Variants in PPM1L observed in about 807,000 individuals in gnomAD.
The protein encoded by PPM1L is protein phosphatase, Mg2+/Mn2+ dependent 1L, also known as protein phosphatase 1L.
Under a neutral mutation model 31.4 loss-of-function variants are expected in PPM1L, and 13 were observed. The observed-to-expected ratio is 0.41, with a 90% CI of 0.27 to 0.66. The LOEUF (loss-of-function observed/expected upper bound fraction) is 0.66, where lower values mean the gene tolerates loss of function less well. Ranked by LOEUF, PPM1L falls within the 30% of genes least tolerant of loss-of-function variation. PPM1L has a pLI of 0.29. For synonymous variants in PPM1L, 184 were observed against 175.4 expected, an observed-to-expected ratio of 1.05 and a Z score of -0.39; for missense variants, 326 against 453.7, an observed-to-expected ratio of 0.72 and a Z score of 2.56.
At chr3:160,867,451 A>G (rs916347749) in intron 1 of PPM1L, among the ~76,000 whole-genome samples, 2 of 150,050 alleles carry the variant, frequency 1.3e-5, no homozygotes, top group Non-Finnish European at 3.0e-5. Flanking sequence ...CCCCTCCTCT[A>G]TACTGTTATG....
At chr3:160,978,847 A>G (rs910725971) in intron 2 of PPM1L, among the ~76,000 whole-genome samples, 9 of 151,868 alleles carry the variant, frequency 5.9e-5, no homozygotes, top group Admixed American at 5.9e-4. Context: ...GAAAGAAAGA[A>G]AGAGAGAAAG....
At chr3:160,767,623 G>A (rs115986149) in intron 1 of PPM1L, among the ~76,000 whole-genome samples, 2,518 of 152,184 alleles carry the variant, frequency 0.017, 66 homozygotes, top group African/African-American at 0.057. Flanking sequence ...ACACTTATTT[G>A]CATTTGCTTT....
At chr3:160,899,334 G>A (rs1713460596) in intron 1 of PPM1L, among the ~76,000 whole-genome samples, 1 of 152,196 alleles carries the variant, frequency 6.6e-6, no homozygotes, top group South Asian at 2.1e-4. Flanking sequence ...CCACTGGGTT[G>A]AGATGGACTT....
intron 2 of PPM1L, among the ~76,000 whole-genome samples, chr3:161,048,122 A>G (rs546906170): frequency 1.3e-4 from 20 of 152,362 alleles, no homozygotes; most frequent in Admixed American, 1.0e-3. Flanking sequence ...CTGCACAGCA[A>G]AAGAAACTAC....
intron 1 of PPM1L, among the ~76,000 whole-genome samples, chr3:160,838,908 C>T (rs974228337): frequency 6.6e-6 from 1 of 152,056 alleles, no homozygotes; most frequent in Admixed American, 6.5e-5. Flanking sequence ...ACTTAATACC[C>T]AAATTTATAT....
At chr3:160,990,530 A>G (rs1364247480) in intron 2 of PPM1L, among the ~76,000 whole-genome samples, 1 of 152,216 alleles carries the variant, frequency 6.6e-6, no homozygotes, top group Non-Finnish European at 1.5e-5. Context: ...ACACAGATGT[A>G]CAACAGCTGC....
chr3:160,863,319 G>A (rs538646467), intron 1 of PPM1L, among the ~76,000 whole-genome samples: 8 of 152,264 alleles, frequency 5.3e-5, no homozygotes, highest in East Asian at 3.9e-4. Flanking sequence ...CTTTCTAGTC[G>A]TCTTTGTCAC....
intron 1 of PPM1L, among the ~76,000 whole-genome samples, chr3:160,760,992 G>A (rs1349199618): frequency 6.6e-6 from 1 of 152,166 alleles, no homozygotes; most frequent in East Asian, 1.9e-4. Context: ...GCACTTCTCA[G>A]AAGCTCAGAA....
At chr3:161,018,614 T>C (rs1307495766) in intron 2 of PPM1L, among the ~76,000 whole-genome samples, 2 of 152,232 alleles carry the variant, frequency 1.3e-5, no homozygotes, top group African/African-American at 4.8e-5. Flanking sequence ...TTCAGGATTA[T>C]GGATATTTTT....
At chr3:160,920,615 T>TCTCACACA (rs1389629070) in intron 1 of PPM1L, among the ~76,000 whole-genome samples, 5 of 28,662 alleles carry the variant, frequency 1.7e-4, no homozygotes, top group African/African-American at 5.2e-4. Context: ...TCTCTCTCTC[T>TCTCACACA]CACACACACA....
intron 1 of PPM1L, among the ~76,000 whole-genome samples, chr3:160,895,230 A>G (rs889626598): frequency 6.6e-6 from 1 of 152,048 alleles, no homozygotes; most frequent in Non-Finnish European, 1.5e-5. Flanking sequence ...TTTGTTTTTT[A>G]GAGACAGGAT....
chr3:161,002,996 A>G (rs1439767454), intron 2 of PPM1L, among the ~76,000 whole-genome samples: 2 of 150,768 alleles, frequency 1.3e-5, no homozygotes, highest in South Asian at 2.1e-4. Context: ...TCTTTAATCC[A>G]TCTTGAATTG....
At chr3:160,829,657 A>G (rs1384934450) in intron 1 of PPM1L, among the ~76,000 whole-genome samples, 1 of 152,032 alleles carries the variant, frequency 6.6e-6, no homozygotes, top group African/African-American at 2.4e-5. Flanking sequence ...CTCCCTTCTC[A>G]TCCTGCAGGT....
intron 1 of PPM1L, among the ~76,000 whole-genome samples, chr3:160,939,070 G>T (rs767840051): frequency 6.6e-5 from 10 of 152,150 alleles, no homozygotes; most frequent in Non-Finnish European, 1.0e-4. Flanking sequence ...GAATAAATAA[G>T]ATAATGCATT....
At chr3:160,865,718 T>G (rs1225965004) in intron 1 of PPM1L, among the ~76,000 whole-genome samples, 1 of 152,200 alleles carries the variant, frequency 6.6e-6, no homozygotes, top group African/African-American at 2.4e-5. Context: ...GAGGTTGCAG[T>G]GAGCCGAGAT....
intron 1 of PPM1L, among the ~76,000 whole-genome samples, chr3:160,792,001 A>T (rs1393081053): frequency 6.6e-6 from 1 of 152,180 alleles, no homozygotes; most frequent in East Asian, 1.9e-4. Flanking sequence ...GGAGTTTTTC[A>T]CATGCCTAAG....
intron 1 of PPM1L, among the ~76,000 whole-genome samples, chr3:160,802,049 G>T (rs1244809459): frequency 6.6e-6 from 1 of 152,136 alleles, no homozygotes; most frequent in Non-Finnish European, 1.5e-5. Context: ...AGTCATCTTG[G>T]TGGCTACGTC....
chr3:160,893,667 T>C (rs1713231641), intron 1 of PPM1L, among the ~76,000 whole-genome samples: 1 of 152,182 alleles, frequency 6.6e-6, no homozygotes, highest in Admixed American at 6.5e-5. Context: ...CCAACGTGTA[T>C]TGTAGTTTAA....
chr3:160,894,060 G>A (rs1429793731), intron 1 of PPM1L, among the ~76,000 whole-genome samples: 2 of 152,100 alleles, frequency 1.3e-5, no homozygotes, highest in Admixed American at 6.6e-5. Flanking sequence ...AGTAGGTTAG[G>A]TATATTAAAT....
Sources: allele counts gnomAD v4.1 joint callset (sites outside exome capture counted in the v4.1 genomes callset), GRCh38; gene constraint gnomAD v4.1.1; transcripts MANE v1.5; gene names NCBI Gene and HGNC (gene_info 2026-07-23, HGNC 2026-07-21).